Variants in ZFHX3 observed in about 807,000 individuals in gnomAD.
The protein encoded by ZFHX3 is zinc finger homeobox 3.
ZFHX3 carries 42 observed loss-of-function variants against 279.1 expected under a neutral mutation model. That is an observed-to-expected ratio of 0.15 (90% CI 0.12 to 0.19). ZFHX3 has a LOEUF of 0.19. Among genes scored for constraint, ZFHX3 ranks in the 10% least tolerant of loss-of-function variants. The probability of loss-of-function intolerance (pLI) is 1.00; values close to 1 mark genes in which losing one functional copy is unlikely to be tolerated. For missense variants in ZFHX3, 4,981 were observed against 4,754.0 expected (o/e 1.05, Z -1.40); for synonymous variants, 2,293 against 1,957.8 (o/e 1.17, Z -4.52).
rs530655432 is a variant in ZFHX3, at chr16:73,331,010, G to A, written c.-1290-12674C>T. ...AGCTGTGTTAGTCCATTCTCACACT[G>A]CTATGAAAAAATACCCAAGACTGGG... On this transcript the variant is annotated intron_variant, in intron 3 of 17. Coordinates refer to the ZFHX3 transcript ENST00000641206. 9.3e-4 allele frequency among the ~76,000 whole-genome samples: 142 copies of A among 152,252 alleles called. No individual in the cohort carries two copies. In the Middle Eastern group the frequency reaches 0.01, roughly 11 times the overall value.
At chr16:73,878,932 AAAGAT>A (rs2030045241) in intron 1 of ZFHX3, among the ~76,000 whole-genome samples, 3 of 122,552 alleles carry the variant, frequency 2.4e-5, no homozygotes, top group Admixed American at 1.5e-4. Context: ...ACTGTTCAAA[AAAGAT>A]AAGATATATA....
chr16:73,335,826 A>C (rs1319788858), intron 3 of ZFHX3, among the ~76,000 whole-genome samples: 2 of 152,200 alleles, frequency 1.3e-5, no homozygotes, highest in East Asian at 1.9e-4. Context: ...ACTGCATTTC[A>C]TTCTTGCCTA....
chr16:73,081,255 CTT>C (rs11306608), intron 8 of ZFHX3: 345 of 139,610 alleles, frequency 2.5e-3, no homozygotes, highest in South Asian at 6.0e-3. Flanking sequence ...TTCTTTCTTT[CTT>C]TTTTTTTTTT....
intron 4 of ZFHX3, among the ~76,000 whole-genome samples, chr16:72,836,389 C>T (rs577989105): frequency 6.6e-6 from 1 of 152,304 alleles, no homozygotes; most frequent in East Asian, 1.9e-4. Context: ...TGGTTTTATT[C>T]CATGGTGTTC....
intron 3 of ZFHX3, among the ~76,000 whole-genome samples, chr16:73,434,317 G>A (rs182971105): frequency 5.9e-5 from 9 of 152,300 alleles, no homozygotes; most frequent in African/African-American, 9.6e-5. Flanking sequence ...AAAGGTGAAC[G>A]GGAGGTCTGT....
chr16:73,110,805 C>T (rs1018431580), intron 7 of ZFHX3, among the ~76,000 whole-genome samples: 2 of 152,190 alleles, frequency 1.3e-5, no homozygotes, highest in African/African-American at 4.8e-5. Flanking sequence ...CTCACGTGAT[C>T]TGCCTGCCTT....
chr16:73,129,379 G>GACACACACACACACACACACACACAC lies in ZFHX3; in HGVS notation c.-897+1563_-897+1588dup, dbSNP rs59666622. On this transcript the variant is annotated intron_variant, in intron 7 of 17. Transcript: ENST00000641206. Reference sequence around the variant, plus strand: ...CTCCAGCCTGGGTGGCAGAGACTCTGACACACACACACACACACACACACA... The same window carrying GACACACACACACACACACACACACAC: ...CTCCAGCCTGGGTGGCAGAGACTCTGACACACACACACACACACACACACACACACACACACACACACACACACACA... Among the ~76,000 whole-genome samples, 3 of 137,928 alleles carry GACACACACACACACACACACACACAC rather than the reference G, an allele frequency of 2.2e-5. No homozygotes were observed. The East Asian group carries it at 6.7e-4, about 31-fold the overall frequency. 90.5% of individuals were successfully genotyped at this position (137,928 alleles called of 152,430 possible). A position where few individuals can be genotyped will look rare whatever the true frequency, so the allele number is the denominator to read the frequency against.
intron 1 of ZFHX3, among the ~76,000 whole-genome samples, chr16:73,851,217 C>G (rs1363400359): frequency 1.3e-5 from 2 of 152,088 alleles, no homozygotes; most frequent in African/African-American, 4.8e-5. Context: ...ACCTAGGTAA[C>G]AAAGCCTTCA....
chr16:73,072,868 G>A (rs912913140), intron 8 of ZFHX3, among the ~76,000 whole-genome samples: 6 of 150,886 alleles, frequency 4.0e-5, no homozygotes, highest in South Asian at 2.1e-4. Flanking sequence ...TGTGCCCAGC[G>A]CATTCCTATT....
chr16:73,521,290 T>G (rs1272150082), intron 2 of ZFHX3, among the ~76,000 whole-genome samples: 5 of 152,104 alleles, frequency 3.3e-5, no homozygotes, highest in African/African-American at 7.2e-5. Flanking sequence ...ATATCTACCT[T>G]AAAGGTTTGT....
chr16:73,609,460 C>T (rs1436396668), intron 2 of ZFHX3: 2 of 152,156 alleles, frequency 1.3e-5, no homozygotes, highest in Non-Finnish European at 2.9e-5. Flanking sequence ...AAAGGGTTGT[C>T]AACAATAGAA....
intron 3 of ZFHX3, among the ~76,000 whole-genome samples, chr16:72,932,315 G>A (rs980984945): frequency 9.2e-5 from 14 of 152,116 alleles, no homozygotes; most frequent in African/African-American, 3.1e-4. Context: ...TTCTCACAAC[G>A]GATGATGTCT....
intron 3 of ZFHX3, among the ~76,000 whole-genome samples, chr16:72,919,857 G>C (rs185083599): frequency 1.6e-5 from 2 of 122,980 alleles, no homozygotes; most frequent in South Asian, 2.8e-4. Context: ...GCAGTGGCAC[G>C]ATCTCAGCTC....
chr16:73,180,755 C>T (rs918722102), intron 5 of ZFHX3, among the ~76,000 whole-genome samples: 3 of 152,178 alleles, frequency 2.0e-5, no homozygotes, highest in East Asian at 1.9e-4. Context: ...CTCCGCTTCC[C>T]GGGTTCAAGC....
At chr16:73,242,627 G>C (rs2013157600) in intron 5 of ZFHX3, among the ~76,000 whole-genome samples, 1 of 152,186 alleles carries the variant, frequency 6.6e-6, no homozygotes, top group South Asian at 2.1e-4. Context: ...GTTCTCTGTA[G>C]CAATTTGCAA....
intron 4 of ZFHX3, among the ~76,000 whole-genome samples, chr16:73,267,483 A>G (rs2014009531): frequency 1.3e-5 from 2 of 152,138 alleles, no homozygotes; most frequent in African/African-American, 4.8e-5. Flanking sequence ...CTGTATTTAT[A>G]CAGCATCCCA....
intron 2 of ZFHX3, among the ~76,000 whole-genome samples, chr16:73,651,998 CT>C (rs1239745088): frequency 2.6e-5 from 4 of 152,050 alleles, no homozygotes; most frequent in Non-Finnish European, 5.9e-5. Flanking sequence ...GAGAAAACAT[CT>C]TTTAAGAGTG....
chr16:73,144,878 T>C (rs1023889509), intron 5 of ZFHX3, among the ~76,000 whole-genome samples: 2 of 152,194 alleles, frequency 1.3e-5, no homozygotes, highest in Non-Finnish European at 2.9e-5. Context: ...CCTGGGATAA[T>C]CCATATTTCA....
intron 1 of ZFHX3, among the ~76,000 whole-genome samples, chr16:73,768,312 G>T (rs1426907149): frequency 6.6e-6 from 1 of 152,172 alleles, no homozygotes; most frequent in Non-Finnish European, 1.5e-5. Context: ...GCACAAAGGA[G>T]GGTGAAGAAA....
Sources: gnomAD v4.1 joint callset for allele counts (sites outside exome capture counted in the v4.1 genomes callset) on GRCh38, gnomAD v4.1.1 for gene constraint, MANE v1.5 for transcripts, NCBI Gene and HGNC (gene_info 2026-07-23, HGNC 2026-07-21) for gene names.